VIT: variants seen among roughly 807,000 people sequenced by gnomAD.
The protein encoded by VIT is vitrin.
In VIT, 99 loss-of-function variants were observed where a neutral mutation model predicts 78.0. The ratio of observed to expected loss-of-function variants is 1.27; its 90% confidence interval spans 1.08 to 1.50. The LOEUF is 1.50. VIT is among the 40% of genes most tolerant of loss of function. The probability of loss-of-function intolerance (pLI) is 0.00; values close to 1 mark genes in which losing one functional copy is unlikely to be tolerated. For synonymous variants in VIT, 374 were observed against 334.3 expected (o/e 1.12, Z -1.29); for missense variants, 1,126 against 875.3 (o/e 1.29, Z -3.61).
intron 13 of VIT, among the ~76,000 whole-genome samples, chr2:36,803,793 A>G (rs1394387098): frequency 1.3e-5 from 2 of 152,318 alleles, no homozygotes; most frequent in Non-Finnish European, 2.9e-5. Context: ...AAGTCTAAAG[A>G]AGGTGCTTCT....
rs766684956 is a variant in VIT, at chr2:36,805,674, T to C, written c.1389+10T>C. The C allele has an allele frequency of 1.4e-5, 22 of 1,608,542 alleles. No individual in the cohort carries two copies. The Middle Eastern group carries it at 8.3e-4, about 61-fold the overall frequency. On this transcript the variant is annotated intron_variant, in intron 14 of 15. Coordinates refer to ENST00000379242, the MANE Select transcript of VIT (RefSeq NM_053276.4). ...CAACTTTGCAAACAAGGTAGATGACTGCCCGGAGACCTACCCAACATCAGG... is the reference window on the plus strand; with the variant it reads ...CAACTTTGCAAACAAGGTAGATGACCGCCCGGAGACCTACCCAACATCAGG...
chr2:36,767,763 C>A (rs964105606), intron 7 of VIT, among the ~76,000 whole-genome samples: 1 of 152,188 alleles, frequency 6.6e-6, no homozygotes, highest in Non-Finnish European at 1.5e-5. Context: ...AAGGTTTTAT[C>A]AAGGTCCAGT....
chr2:36,726,839 A>C (rs11901366), intron 2 of VIT, among the ~76,000 whole-genome samples: 31,759 of 74,968 alleles, frequency 0.42, 5,186 homozygotes, highest in Admixed American at 0.51. Flanking sequence ...AAAAAAAAAA[A>C]AAAACAAAAC....
chr2:36,787,333 T>C, intron 12 of VIT, 57 bp downstream of exon 12: 2 of 1,571,262 alleles, frequency 1.3e-6, no homozygotes, highest in South Asian at 2.3e-5. Flanking sequence ...TGCTTAATTT[T>C]ATGCCACGTG....
rs149822647 is a variant in VIT, at chr2:36,795,124, C to T, written c.1059-6177C>T. Among the ~76,000 whole-genome samples the T allele has an allele frequency of 3.8e-3, 574 of 152,256 alleles. 5 individuals carry two copies. The highest frequency in any genetic ancestry group is 0.013 in the African/African-American group (550 of 41,550). On this transcript the variant is annotated intron_variant, in intron 12 of 15. Coordinates refer to ENST00000379242, the MANE Select transcript of VIT (RefSeq NM_053276.4). ...AGGGATTGGAAGCTAGGAGAAAGTG[C>T]CTGTTCTCAAGTAGGTTACAGTCAA...
intron 1 of VIT, among the ~76,000 whole-genome samples, chr2:36,703,899 T>C (rs1665228628): frequency 6.7e-6 from 1 of 149,136 alleles, no homozygotes; most frequent in Non-Finnish European, 1.5e-5. Flanking sequence ...TTTTTGTTTG[T>C]TTGTTTGGGG....
chr2:36,725,603 G>C (rs1199257423), intron 2 of VIT, among the ~76,000 whole-genome samples: 7 of 82,350 alleles, frequency 8.5e-5, no homozygotes, highest in Admixed American at 1.5e-4. Flanking sequence ...GTTGAGGGGT[G>C]GGGGGGGGGT....
intron 3 of VIT, among the ~76,000 whole-genome samples, chr2:36,740,295 T>G (rs1667760715): frequency 6.6e-6 from 1 of 152,154 alleles, no homozygotes; most frequent in African/African-American, 2.4e-5. Flanking sequence ...CGGTGGAAGA[T>G]TCTTTGGCTG....
intron 12 of VIT, among the ~76,000 whole-genome samples, chr2:36,788,871 G>A (rs1014311722): frequency 2.3e-4 from 35 of 152,120 alleles, no homozygotes; most frequent in African/African-American, 6.8e-4. Context: ...GAAAAATGGC[G>A]TGAGAATAGT....
At chr2:36,800,258 T>G (rs1398136366) in intron 12 of VIT, among the ~76,000 whole-genome samples, 1 of 151,912 alleles carries the variant, frequency 6.6e-6, no homozygotes. Context: ...GGCAAGAGAA[T>G]TGCTTGAACC....
chr2:36,807,704 A>G (rs1158519226), intron 14 of VIT, among the ~76,000 whole-genome samples: 1 of 152,200 alleles, frequency 6.6e-6, no homozygotes, highest in Non-Finnish European at 1.5e-5. Flanking sequence ...GGAGCGCAAC[A>G]ATCAGTTTGC....
Position 36,737,937 on chromosome 2 carries a change from G to A in VIT, c.119-5163G>A, listed in dbSNP as rs547807227. Among the ~76,000 whole-genome samples the A allele has an allele frequency of 2.0e-5, 3 of 152,352 alleles. No homozygotes were observed. In the South Asian group the frequency reaches 6.2e-4, roughly 32 times the overall value. On this transcript the variant is annotated intron_variant, in intron 3 of 15. Transcript: ENST00000379242. ...TTCTAGCCCTTCTTCTGATATGGGT[G>A]AGAAAGAAGGCAGAGACTGTCTGTG...
At chr2:36,753,599 C>T (rs567859209) in intron 4 of VIT, among the ~76,000 whole-genome samples, 148 of 152,214 alleles carry the variant, frequency 9.7e-4, no homozygotes, top group Non-Finnish European at 1.8e-3. Flanking sequence ...GTCAGAATCT[C>T]TGTGGGGAAG....
intron 14 of VIT, 44 bp downstream of exon 14, chr2:36,805,708 C>A: frequency 6.3e-7 from 1 of 1,581,230 alleles, no homozygotes. Context: ...GGATTTTCTG[C>A]ACTCTGAAAA....
At position 36,767,172 on chromosome 2, in the gene VIT, C is replaced by A; in HGVS notation, c.566C>A (p.Ala189Asp). Residue 189 changes from alanine to aspartate, a missense_variant, in exon 7 of 16, where the codon GCT becomes GAT. Physicochemically the swap from Ala to Asp is moderately radical, Grantham distance 126 (BLOSUM62 -2). Transcript: ENST00000379242. ...AQPVTLMQLL[A>D]VTVAVATPTT... is the part of the protein sequence containing the mutation. ...CCGGTCACTCTGATGCAGCTTCTGG[C>A]TGTCACTGTAGCTGTGGCCACCCCC... is the stretch of plus-strand genomic sequence containing the variant. 6.2e-7 allele frequency: 1 copy of A among 1,612,092 alleles called. No homozygotes were observed. Among genetic ancestry groups the A allele is most frequent in the Non-Finnish European group, 8.5e-7 (1 of 1,179,290 alleles).
chr2:36,699,487 T>C (rs1034764836), intron 1 of VIT, among the ~76,000 whole-genome samples: 1 of 149,692 alleles, frequency 6.7e-6, no homozygotes, highest in African/African-American at 2.4e-5. Context: ...TTGACATAAT[T>C]ATATTCTTCA....
chr2:36,736,516 A>G (rs1227893725), intron 3 of VIT, among the ~76,000 whole-genome samples: 2 of 152,218 alleles, frequency 1.3e-5, no homozygotes, highest in Non-Finnish European at 2.9e-5. Context: ...TTTCACACAT[A>G]ATGAAGCTGC....
intron 7 of VIT, 146 bp from the exon 8 acceptor site, chr2:36,773,645 C>A: frequency 1.9e-6 from 1 of 533,268 alleles, no homozygotes; most frequent in Non-Finnish European, 2.9e-6. Context: ...GTGGGAGAAT[C>A]GCTTGAACCC....
intron 4 of VIT, among the ~76,000 whole-genome samples, chr2:36,747,682 G>T (rs954466107): frequency 5.3e-5 from 8 of 152,122 alleles, no homozygotes; most frequent in African/African-American, 1.7e-4. Context: ...ACAGTAGATG[G>T]CTGGGTCTTG....
Sources: allele counts gnomAD v4.1 joint callset (sites outside exome capture counted in the v4.1 genomes callset), GRCh38; gene constraint gnomAD v4.1.1; transcripts MANE v1.5; gene names NCBI Gene and HGNC (gene_info 2026-07-23, HGNC 2026-07-21).